Variants in HMCN1 observed in about 807,000 individuals in gnomAD.
The protein encoded by HMCN1 is hemicentin 1, also known as hemicentin-1.
In HMCN1, 321 loss-of-function variants were observed where a neutral mutation model predicts 625.9. The ratio of observed to expected loss-of-function variants is 0.51; its 90% CI spans 0.47 to 0.56. HMCN1 has a LOEUF of 0.56. Among genes scored for constraint, HMCN1 ranks in the 20% least tolerant of loss-of-function variants. The pLI, the probability that HMCN1 is intolerant of heterozygous loss-of-function variation, is 0.00. For missense variants in HMCN1, 6,588 were observed against 6,887.3 expected, an observed-to-expected ratio of 0.96 and a Z score of 1.54; for synonymous variants, 2,425 against 2,417.6, an observed-to-expected ratio of 1.00 and a Z score of -0.09.
chr1:186,028,262 C>A (rs890608575), intron 36 of HMCN1, among the ~76,000 whole-genome samples: 5 of 152,132 alleles, frequency 3.3e-5, no homozygotes, highest in Middle Eastern at 3.4e-3. Flanking sequence ...GGAAAAAAAA[C>A]CCAGCAAATT....
intron 68 of HMCN1, among the ~76,000 whole-genome samples, chr1:186,100,067 G>T (rs565755110): frequency 2.0e-5 from 3 of 152,022 alleles, no homozygotes; most frequent in Non-Finnish European, 2.9e-5. Context: ...GCAGGGGGAG[G>T]GGGAGAGCGG....
intron 1 of HMCN1, among the ~76,000 whole-genome samples, chr1:185,780,428 T>C (rs112317290): frequency 0.05 from 7,632 of 152,232 alleles, 582 homozygotes; most frequent in African/African-American, 0.17. Flanking sequence ...CTTGTGCCAG[T>C]TTTCAAAGGG....
rs1186599516 is a variant in HMCN1 at position 185,963,816 on chromosome 1, C to T, written c.2019C>T (p.Pro673=). ...DGTLFIKNAA[P]KDAGIYGCLA... is the part of the protein sequence containing the mutation. Reference sequence around the variant, plus strand: ...CCTTATTTATCAAAAATGCAGCTCCCAAAGATGCAGGGATCTATGGTTGCC... The same window carrying T: ...CCTTATTTATCAAAAATGCAGCTCCTAAAGATGCAGGGATCTATGGTTGCC... Residue 673 remains proline (P), a synonymous_variant, in exon 13 of 107, where the codon CCC becomes CCT. Coordinates refer to ENST00000271588, the MANE Select transcript of HMCN1 (RefSeq NM_031935.3). 3.1e-6 allele frequency: 5 copies of T among 1,610,250 alleles called. No homozygotes were observed. In the African/African-American group the frequency reaches 6.7e-5, roughly 22 times the overall value.
At chr1:185,911,074 T>C (rs1468239474) in intron 5 of HMCN1, among the ~76,000 whole-genome samples, 1 of 152,166 alleles carries the variant, frequency 6.6e-6, no homozygotes, top group Non-Finnish European at 1.5e-5. Flanking sequence ...CTATGACAGA[T>C]AAAAGCCTTC....
intron 1 of HMCN1, among the ~76,000 whole-genome samples, chr1:185,756,342 C>T (rs148420940): frequency 3.5e-4 from 53 of 152,100 alleles, no homozygotes; most frequent in African/African-American, 1.1e-3. Context: ...TCACCTTTCT[C>T]ATTGTCCCAG....
chr1:185,841,286 T>A (rs951435522), intron 1 of HMCN1, among the ~76,000 whole-genome samples: 5 of 152,136 alleles, frequency 3.3e-5, no homozygotes, highest in African/African-American at 1.2e-4. Flanking sequence ...CACAAAAAAA[T>A]TGTTTATTTT....
rs34723003 is a variant in HMCN1, at chr1:186,039,410, GCACA to G, written c.6029-298_6029-295del. On this transcript the variant is annotated intron_variant, in intron 38 of 106. Coordinates refer to ENST00000271588, the MANE Select transcript of HMCN1 (RefSeq NM_031935.3). ...AGGGGGTACACACTTGTGTTCATGTGCACACACACACACACACACACACGCCTAG... is the reference window on the plus strand; with the variant it reads ...AGGGGGTACACACTTGTGTTCATGTGCACACACACACACACACACGCCTAG... 4.2e-4 allele frequency among the ~76,000 whole-genome samples: 62 copies of G among 148,084 alleles called. 1 individual carries two copies. The highest frequency in any genetic ancestry group is 2.8e-3 in the Admixed American group (42 of 14,818).
intron 97 of HMCN1, among the ~76,000 whole-genome samples, chr1:186,158,074 C>T (rs1336652558): frequency 6.8e-6 from 1 of 147,348 alleles, no homozygotes; most frequent in African/African-American, 2.5e-5. Context: ...AAAAGTGTTC[C>T]TATTTCTCCA....
chr1:185,940,403 T>G (rs755331122), intron 11 of HMCN1, among the ~76,000 whole-genome samples: 2 of 152,230 alleles, frequency 1.3e-5, no homozygotes, highest in Non-Finnish European at 2.9e-5. Flanking sequence ...TCTTCTCCCA[T>G]GAATAATCTA....
At chr1:185,977,119 T>C (rs1651271213) in intron 15 of HMCN1, among the ~76,000 whole-genome samples, 1 of 152,282 alleles carries the variant, frequency 6.6e-6, no homozygotes. Context: ...CTATAATTTT[T>C]ATAGTTTCTG....
chr1:186,074,621 A>G (rs1658688264), intron 52 of HMCN1, 120 bp from the exon 53 acceptor site: 2 of 828,708 alleles, frequency 2.4e-6, no homozygotes, highest in Middle Eastern at 4.6e-4. Flanking sequence ...ATTGTCATGA[A>G]TGTTTTGCAT....
At chr1:185,990,116 C>T (rs2102027558) in intron 21 of HMCN1, among the ~76,000 whole-genome samples, 159 bp from the exon 22 acceptor site, 1 of 152,264 alleles carries the variant, frequency 6.6e-6, no homozygotes, top group Non-Finnish European at 1.5e-5. Context: ...TCTTTTAGTT[C>T]TCACAATAAA....
At chr1:185,878,290 G>C (rs547169938) in intron 4 of HMCN1, among the ~76,000 whole-genome samples, 1 of 152,302 alleles carries the variant, frequency 6.6e-6, no homozygotes, top group South Asian at 2.1e-4. Flanking sequence ...TTGAATAGGA[G>C]TGGTGAGTGG....
In HMCN1 at chr1:186,039,717, GT is replaced by G. The variant is rs747173866; in HGVS notation, c.6029-4del. ...ATATTAACGTGTCTTACTTTCATTTGTTTTTTTCAGTGGCCCCATCAATTTC... is the reference window on the plus strand; with the variant it reads ...ATATTAACGTGTCTTACTTTCATTTGTTTTTTCAGTGGCCCCATCAATTTC... On this transcript the variant is annotated splice_polypyrimidine_tract_variant and intron_variant, in intron 38 of 106. Transcript: ENST00000271588. 2 of 1,612,812 alleles carry G rather than the reference GT, an allele frequency of 1.2e-6. No individual in the cohort carries two copies. The highest frequency in any genetic ancestry group is 1.7e-5 in the Admixed American group (1 of 59,946).
At chr1:185,952,814 A>G (rs955364915) in intron 11 of HMCN1, among the ~76,000 whole-genome samples, 3 of 151,640 alleles carry the variant, frequency 2.0e-5, no homozygotes, top group South Asian at 2.1e-4. Flanking sequence ...AAAAGAGTAG[A>G]GACACGGAGA....
At chr1:185,842,557 C>G (rs538232200) in intron 1 of HMCN1, among the ~76,000 whole-genome samples, 62 of 151,622 alleles carry the variant, frequency 4.1e-4, no homozygotes, top group Non-Finnish European at 7.1e-4. Context: ...TAATGAGACC[C>G]TGTCTCAACA....
At chr1:185,977,668 A>G in intron 15 of HMCN1, 119 bp from the exon 16 acceptor site, 1 of 745,048 alleles carries the variant, frequency 1.3e-6, no homozygotes, top group Admixed American at 2.0e-5. Flanking sequence ...GGGTAAATTT[A>G]CAATATAATA....
chr1:186,023,055 A>T lies in HMCN1; in HGVS notation c.5651A>T (p.Gln1884Leu), dbSNP rs142871818. 4.0e-5 allele frequency: 64 copies of T among 1,613,564 alleles called. No individual in the cohort carries two copies. The African/African-American group carries it at 6.9e-4, about 17-fold the overall frequency. ...ATACAGTCTTCTGGTCGAGTTCTAC[A>T]AATTGCCAAAACCCTGTTGGAAGAT... ...LKIQSSGRVL[Q>L]IAKTLLEDAG... Residue 1884 changes from glutamine (Q) to leucine (L), a missense_variant, in exon 36 of 107, where the codon CAA (glutamine) becomes CTA (leucine). Physicochemically the swap from Gln to Leu is moderately radical, Grantham distance 113. This residue lies in a region of HMCN1 where 4,628 missense variants were observed against 4,853.1 expected (regional missense o/e 0.95). Transcript: ENST00000271588.
rs756953626 is a variant in HMCN1 at position 186,076,594 on chromosome 1, C to G, written c.8457C>G (p.Thr2819=). The G allele has an allele frequency of 6.2e-7, 1 of 1,613,582 alleles. No individual in the cohort carries two copies. Among genetic ancestry groups the G allele is most frequent in the Non-Finnish European group, 8.5e-7 (1 of 1,179,796 alleles). ...LTWYKDGHPL[T]SSDKVLILPG... is the part of the protein sequence containing the mutation. ...GGTACAAAGATGGCCACCCTCTGAC[C>G]TCAAGTGATAAAGTATTGATTTTGC... Residue 2819 remains threonine (T), a synonymous_variant, in exon 54 of 107, where the codon ACC becomes ACG. Transcript: ENST00000271588.
Sources: gnomAD v4.1 joint callset for allele counts (sites outside exome capture counted in the v4.1 genomes callset) on GRCh38, gnomAD v4.1.1 for gene constraint, gnomAD v4.1.1 regional missense constraint, MANE v1.5 for transcripts, NCBI Gene and HGNC (gene_info 2026-07-23, HGNC 2026-07-21) for gene names.